The following MARCHF1 variants were observed in gnomAD, a reference collection of about 807,000 sequenced individuals.
MARCHF1 encodes membrane associated ring-CH-type finger 1, also known as E3 ubiquitin-protein ligase MARCHF1.
MARCHF1 carries 40 observed loss-of-function variants against 54.2 expected under a neutral mutation model. The observed-to-expected ratio is 0.74, with a 90% CI of 0.57 to 0.96. MARCHF1 has a LOEUF of 0.96. MARCHF1 is among the 40% of genes least tolerant of loss of function. The probability of loss-of-function intolerance (pLI) is 0.00; values close to 1 mark genes in which losing one functional copy is unlikely to be tolerated. For synonymous variants in MARCHF1, 236 were observed against 236.3 expected, an observed-to-expected ratio of 1.00 and a Z score of 0.01; for missense variants, 586 against 656.5, an observed-to-expected ratio of 0.89 and a Z score of 1.17.
chr4:164,198,371 A>G (rs72987731), intron 1 of MARCHF1, among the ~76,000 whole-genome samples: 1,814 of 152,250 alleles, frequency 0.012, 36 homozygotes, highest in African/African-American at 0.042. Flanking sequence ...GAGGAATAAA[A>G]TTTGAGTGGC....
chr4:164,059,518 G>A (rs998862718), intron 2 of MARCHF1, among the ~76,000 whole-genome samples: 5 of 152,094 alleles, frequency 3.3e-5, no homozygotes, highest in African/African-American at 1.2e-4. Context: ...AGCTTTATTG[G>A]CATTATATGA....
chr4:164,000,622 T>G (rs1753168267), intron 2 of MARCHF1, among the ~76,000 whole-genome samples: 1 of 151,714 alleles, frequency 6.6e-6, no homozygotes, highest in African/African-American at 2.4e-5. Context: ...GAATGTAATT[T>G]TTTTAAGTCA....
chr4:163,733,227 G>GTATATATATATATA (rs1241873225), intron 4 of MARCHF1, among the ~76,000 whole-genome samples: 2 of 13,830 alleles, frequency 1.4e-4, no homozygotes, highest in Non-Finnish European at 1.9e-4. Flanking sequence ...ATATACACGT[G>GTATATATATATATA]TATATATATA....
At chr4:163,894,160 G>T (rs1422392719) in intron 3 of MARCHF1, among the ~76,000 whole-genome samples, 2 of 152,114 alleles carry the variant, frequency 1.3e-5, no homozygotes, top group Non-Finnish European at 2.9e-5. Context: ...TAGGGACAGT[G>T]ACCTAATTTG....
At chr4:163,915,714 T>C (rs1751292961) in intron 3 of MARCHF1, among the ~76,000 whole-genome samples, 2 of 152,132 alleles carry the variant, frequency 1.3e-5, no homozygotes, top group African/African-American at 4.8e-5. Context: ...CCTAAAACAA[T>C]TCTAACAATA....
chr4:164,338,336 G>A (rs867813175), intron 1 of MARCHF1, among the ~76,000 whole-genome samples: 2 of 151,764 alleles, frequency 1.3e-5, no homozygotes, highest in South Asian at 2.1e-4. Flanking sequence ...AAATCACAAA[G>A]GAAGGCAGCA....
chr4:164,270,539 A>G (rs1733720528), intron 1 of MARCHF1, among the ~76,000 whole-genome samples: 2 of 152,188 alleles, frequency 1.3e-5, no homozygotes, highest in Non-Finnish European at 2.9e-5. Flanking sequence ...GGTGTGCTCA[A>G]TGAATATTTG....
At chr4:163,899,573 C>CT (rs1011677482) in intron 3 of MARCHF1, among the ~76,000 whole-genome samples, 1 of 152,064 alleles carries the variant, frequency 6.6e-6, no homozygotes, top group African/African-American at 2.4e-5. Context: ...TTCTTCTTGG[C>CT]TGATATCAAC....
intron 5 of MARCHF1, among the ~76,000 whole-genome samples, chr4:163,640,944 A>C (rs1174393813): frequency 6.6e-6 from 1 of 152,124 alleles, no homozygotes; most frequent in Non-Finnish European, 1.5e-5. Context: ...AAAATGGGCA[A>C]TAAGATAAAG....
chr4:163,874,546 G>A (rs1012527575), intron 3 of MARCHF1, among the ~76,000 whole-genome samples: 2 of 152,024 alleles, frequency 1.3e-5, no homozygotes, highest in Admixed American at 6.6e-5. Flanking sequence ...AGCTATCAAG[G>A]TAACATATTT....
chr4:164,322,832 A>T (rs916992083), intron 1 of MARCHF1, among the ~76,000 whole-genome samples: 1 of 152,054 alleles, frequency 6.6e-6, no homozygotes, highest in Admixed American at 6.6e-5. Context: ...CTTTAAGTTT[A>T]CCTACACAGG....
chr4:163,925,446 A>T (rs1751516773), intron 3 of MARCHF1, among the ~76,000 whole-genome samples: 1 of 151,880 alleles, frequency 6.6e-6, no homozygotes, highest in Non-Finnish European at 1.5e-5. Context: ...GTTATGCAAT[A>T]GTTATCTAAC....
intron 3 of MARCHF1, among the ~76,000 whole-genome samples, chr4:163,986,392 G>C (rs894662694): frequency 6.6e-6 from 1 of 151,066 alleles, no homozygotes. Flanking sequence ...AGCCTCCTGA[G>C]TAGCTGGGAC....
At chr4:163,928,558 C>T (rs1451862925) in intron 3 of MARCHF1, among the ~76,000 whole-genome samples, 1 of 151,926 alleles carries the variant, frequency 6.6e-6, no homozygotes, top group Non-Finnish European at 1.5e-5. Context: ...GCAATCTTAA[C>T]TGCATTATCA....
chr4:163,993,016 C>T (rs1234333086), intron 2 of MARCHF1, among the ~76,000 whole-genome samples: 1 of 151,850 alleles, frequency 6.6e-6, no homozygotes, highest in Non-Finnish European at 1.5e-5. Flanking sequence ...CTGGGAAGAA[C>T]ATATGGATAA....
chr4:163,974,823 G>A (rs1752616994), intron 3 of MARCHF1, among the ~76,000 whole-genome samples: 1 of 152,002 alleles, frequency 6.6e-6, no homozygotes, highest in Admixed American at 6.6e-5. Context: ...AGTTATTCTG[G>A]GTGTGTCTGT....
chr4:163,531,649 CTTTG>C (rs1471937074), intron 9 of MARCHF1, among the ~76,000 whole-genome samples: 3 of 151,664 alleles, frequency 2.0e-5, no homozygotes, highest in Non-Finnish European at 4.4e-5. Flanking sequence ...ATAAAACTAT[CTTTG>C]TTCACAAATG....
At chr4:163,999,209 G>T (rs1399132098) in intron 2 of MARCHF1, among the ~76,000 whole-genome samples, 1 of 151,174 alleles carries the variant, frequency 6.6e-6, no homozygotes, top group Non-Finnish European at 1.5e-5. Flanking sequence ...ACATGTTGTA[G>T]TTTATAAATA....
intron 3 of MARCHF1, among the ~76,000 whole-genome samples, chr4:163,961,958 T>C (rs1265799506): frequency 1.3e-5 from 2 of 151,926 alleles, no homozygotes; most frequent in Admixed American, 1.3e-4. Context: ...CTCAGTTTTC[T>C]GGGGACAAAG....
Sources: allele counts gnomAD v4.1 joint callset (sites outside exome capture counted in the v4.1 genomes callset), GRCh38; gene constraint gnomAD v4.1.1; transcripts MANE v1.5; gene names NCBI Gene and HGNC (gene_info 2026-07-23, HGNC 2026-07-21).